PDPN: variants seen among roughly 807,000 people sequenced by gnomAD.
PDPN encodes the protein podoplanin.
PDPN carries 12 observed loss-of-function variants against 23.2 expected under a neutral mutation model. The ratio of observed to expected loss-of-function variants is 0.52; its 90% confidence interval spans 0.33 to 0.84. The LOEUF is 0.84. Ranked by LOEUF, PDPN falls within the 40% of genes least tolerant of loss-of-function variation. PDPN has a pLI of 0.02. For synonymous variants in PDPN, 77 were observed against 76.7 expected (o/e 1.00, Z -0.02); for missense variants, 199 against 212.2 (o/e 0.94, Z 0.39).
intron 1 of PDPN, among the ~76,000 whole-genome samples, chr1:13,586,857 G>C (rs1453717720): frequency 1.3e-5 from 2 of 151,324 alleles, no homozygotes; most frequent in Non-Finnish European, 2.9e-5. Context: ...TTCGAGACCA[G>C]CCTGGCCAAT....
upstream of PDPN, chr1:13,583,821 G>A (rs771483531): frequency 1.3e-6 from 2 of 1,551,442 alleles, no homozygotes; most frequent in Non-Finnish European, 1.7e-6. Context: ...GACTCCGCTC[G>A]GAAAGTTCTC....
intron 2 of PDPN, among the ~76,000 whole-genome samples, chr1:13,609,999 G>A (rs1374285756): frequency 6.6e-6 from 1 of 152,208 alleles, no homozygotes; most frequent in South Asian, 2.1e-4. Context: ...GGAAGGCAAA[G>A]CTTGCGGTGA....
At chr1:13,598,746 G>A (rs1203921577) in intron 1 of PDPN, among the ~76,000 whole-genome samples, 1 of 152,098 alleles carries the variant, frequency 6.6e-6, no homozygotes, top group Non-Finnish European at 1.5e-5. Flanking sequence ...CTCGTTCTGG[G>A]CTTTGGGGTT....
intron 1 of PDPN, among the ~76,000 whole-genome samples, chr1:13,600,090 T>C (rs1401253358): frequency 6.6e-6 from 1 of 152,038 alleles, no homozygotes; most frequent in African/African-American, 2.4e-5. Flanking sequence ...TCTAACAAGA[T>C]GGGATTTCAT....
At chr1:13,583,782 C>T (rs775540618), upstream of PDPN, 15 of 1,514,524 alleles carry the variant, frequency 9.9e-6, no homozygotes, top group Admixed American at 1.5e-4. Context: ...CGACCCCGCT[C>T]CCCCGCCTCC....
At chr1:13,608,200 A>G (rs1363539071) in intron 2 of PDPN, among the ~76,000 whole-genome samples, 1 of 152,184 alleles carries the variant, frequency 6.6e-6, no homozygotes, top group Non-Finnish European at 1.5e-5. Flanking sequence ...ACAGACCACA[A>G]GATGATAGAC....
At position 13,613,671 on chromosome 1, in the gene PDPN, ATCTT is replaced by A; in HGVS notation, c.332-12_332-9del. 4.0e-6 allele frequency: 5 copies of A among 1,254,192 alleles called. No homozygotes were observed. Among genetic ancestry groups the A allele is most frequent in the Non-Finnish European group, 5.8e-6 (5 of 856,036 alleles). 77.7% of individuals were successfully genotyped at this position (1,254,192 alleles called of 1,614,324 possible). A position where few individuals can be genotyped will look rare whatever the true frequency, so the allele number is the denominator to read the frequency against. ...AACCCTAATAATTCTACATTATTAT[ATCTT>A]TCTATTCACAGAGAAAGTGGATGGA... On this transcript the variant is annotated splice_polypyrimidine_tract_variant and intron_variant, in intron 3 of 5. Transcript: ENST00000621990.
At position 13,614,344 on chromosome 1, in the gene PDPN, T is replaced by G. The variant is rs1641012497; in HGVS notation, c.415T>G (p.Leu139Val). 6.2e-7 allele frequency: 1 copy of G among 1,609,772 alleles called. No homozygotes were observed. The highest frequency in any genetic ancestry group is 8.5e-7 in the Non-Finnish European group (1 of 1,176,042). ...CCTGGTTGGAATCATAGTTGGGGTC[T>G]TACTAGCCATCGGCTTCATTGGTGC... ...VTLVGIIVGVLLAIGFIGAII... is the reference protein window; with the variant it reads ...VTLVGIIVGVVLAIGFIGAII... Residue 139 changes from leucine (L) to valine (V), a missense_variant, in exon 5 of 6, where the codon TTA (leucine) becomes GTA (valine). Transcript: ENST00000621990.
At chr1:13,609,188 C>T (rs993402986) in intron 2 of PDPN, among the ~76,000 whole-genome samples, 2 of 152,150 alleles carry the variant, frequency 1.3e-5, no homozygotes, top group African/African-American at 2.4e-5. Flanking sequence ...TGGCCCTTTA[C>T]AGAATAAATT....
chr1:13,594,353 T>C (rs1381011464), intron 1 of PDPN, among the ~76,000 whole-genome samples: 2 of 151,934 alleles, frequency 1.3e-5, no homozygotes, highest in Non-Finnish European at 2.9e-5. Flanking sequence ...GAAGGAGAGG[T>C]GGGGTTTGGA....
chr1:13,597,480 C>T (rs1570028472), intron 1 of PDPN, among the ~76,000 whole-genome samples: 2 of 152,190 alleles, frequency 1.3e-5, no homozygotes, highest in African/African-American at 4.8e-5. Flanking sequence ...GAAACGGCTT[C>T]TCCAGCGTTC....
intron 1 of PDPN, among the ~76,000 whole-genome samples, chr1:13,597,836 A>G (rs975667671): frequency 6.6e-6 from 1 of 151,832 alleles, no homozygotes; most frequent in Non-Finnish European, 1.5e-5. Flanking sequence ...TTAGCCAGGC[A>G]TGGTGGTACG....
Position 13,584,369 on chromosome 1 carries a change from A to C in PDPN, c.67+269A>C, listed in dbSNP as rs543104939. On this transcript the variant is annotated intron_variant, in intron 1 of 5. Transcript: ENST00000621990. ...GGGCAGCACAGGGGGCCTCCCTCCG[A>C]GTCGGCAGCACCAGAGAGATCGGGT... The C allele has an allele frequency of 3.0e-5, 42 of 1,410,934 alleles. No individual in the cohort carries two copies. The African/African-American group carries it at 4.9e-4, about 16-fold the overall frequency. The allele number at this position is 1,410,934 out of a possible 1,614,324, so 87.4% of individuals were successfully genotyped here.
intron 1 of PDPN, among the ~76,000 whole-genome samples, chr1:13,600,145 A>G (rs1439684398): frequency 6.6e-6 from 1 of 152,190 alleles, no homozygotes; most frequent in Non-Finnish European, 1.5e-5. Context: ...CCTGACTACC[A>G]GGAACGTGAT....
chr1:13,613,822 G>A, intron 4 of PDPN, 97 bp downstream of exon 4: 2 of 654,496 alleles, frequency 3.1e-6, no homozygotes, highest in Non-Finnish European at 5.6e-6. Flanking sequence ...TTTCTGGATT[G>A]CAGTCAATGA....
intron 1 of PDPN, among the ~76,000 whole-genome samples, chr1:13,586,849 C>T (rs1286710049): frequency 6.7e-6 from 1 of 150,180 alleles, no homozygotes; most frequent in Non-Finnish European, 1.5e-5. Context: ...GTCAGGAGTT[C>T]GAGACCAGCC....
intron 1 of PDPN, among the ~76,000 whole-genome samples, chr1:13,590,248 C>T (rs996982306): frequency 6.6e-6 from 1 of 152,208 alleles, no homozygotes; most frequent in African/African-American, 2.4e-5. Context: ...AGGATGCTGT[C>T]CCTGTCCCCT....
intron 1 of PDPN, among the ~76,000 whole-genome samples, chr1:13,605,843 G>T (rs770427066): frequency 7.2e-5 from 11 of 151,864 alleles, no homozygotes; most frequent in Admixed American, 1.3e-4. Context: ...GGATGGTCTC[G>T]ATCTCTTGAC....
intron 2 of PDPN, among the ~76,000 whole-genome samples, chr1:13,607,782 G>A (rs952471814): frequency 3.3e-5 from 5 of 152,070 alleles, no homozygotes; most frequent in African/African-American, 1.2e-4. Flanking sequence ...TGGGTGTTGT[G>A]GCAATGTCAT....
Sources: allele counts gnomAD v4.1 joint callset (sites outside exome capture counted in the v4.1 genomes callset), GRCh38; gene constraint gnomAD v4.1.1; transcripts MANE v1.5; gene names NCBI Gene and HGNC (gene_info 2026-07-23, HGNC 2026-07-21).